Variants in ZNF549 observed in about 807,000 individuals in gnomAD.
The protein encoded by ZNF549 is zinc finger protein 549.
A neutral mutation model predicts 11.1 loss-of-function variants in ZNF549; 11 were observed. That is an observed-to-expected ratio of 0.99 (90% CI 0.62 to 1.64). The LOEUF (loss-of-function observed/expected upper bound fraction) is 1.64. Among genes scored for constraint, ZNF549 ranks in the 40% most tolerant of loss-of-function variants. The pLI is 0.00. For synonymous variants in ZNF549, 266 were observed against 269.1 expected (o/e 0.99, Z 0.11); for missense variants, 748 against 765.1 (o/e 0.98, Z 0.26).
chr19:57,538,553 C>T lies in ZNF549; in HGVS notation c.1549C>T (p.Leu517Phe). The change falls in exon 4 of 4, where the codon CTT (leucine) becomes TTT (phenylalanine). Residue 517 changes from leucine (L) to phenylalanine (F), a missense_variant. Leu to Phe is a conservative substitution (Grantham distance 22). Transcript: ENST00000376233. ...GKGFYLEVKL[L>F]QHQRIHTREQ... is the part of the protein sequence containing the mutation. Reference sequence around the variant, plus strand: ...AGGCTTCTACCTTGAGGTTAAACTTCTTCAGCACCAAAGAATCCATACTAG... The same window carrying T: ...AGGCTTCTACCTTGAGGTTAAACTTTTTCAGCACCAAAGAATCCATACTAG... The T allele has an allele frequency of 6.2e-7, 1 of 1,614,194 alleles. No individual in the cohort carries two copies. The highest frequency in any genetic ancestry group is 8.5e-7 in the Non-Finnish European group (1 of 1,180,024).
In ZNF549 at chr19:57,539,225, A is replaced by G. The variant is rs188492620; in HGVS notation, c.*298A>G. On this transcript the variant is annotated 3_prime_UTR_variant, in exon 4 of 4. Transcript: ENST00000376233. ...CAAATTCTGAAGGGAATAATATAATAAAAGCCTGTTGAGGGTCCTCTTCCA... is the reference window on the plus strand; with the variant it reads ...CAAATTCTGAAGGGAATAATATAATGAAAGCCTGTTGAGGGTCCTCTTCCA... 3.8e-5 allele frequency: 11 copies of G among 285,742 alleles called. No individual in the cohort carries two copies. The highest frequency in any genetic ancestry group is 3.7e-4 in the Admixed American group (8 of 21,634). 17.7% of individuals were successfully genotyped at this position (285,742 alleles called of 1,614,324 possible). A position where few individuals can be genotyped will look rare whatever the true frequency, so the allele number is the denominator to read the frequency against.
At chr19:57,536,203 G>A (rs1199489959) in intron 3 of ZNF549, among the ~76,000 whole-genome samples, 1 of 152,112 alleles carries the variant, frequency 6.6e-6, no homozygotes, top group Admixed American at 6.5e-5. Context: ...ATGTTCCTCA[G>A]CTCGTGATGG....
chr19:57,530,605 G>A (rs75940674), intron 1 of ZNF549, among the ~76,000 whole-genome samples: 3 of 152,076 alleles, frequency 2.0e-5, no homozygotes, highest in Non-Finnish European at 4.4e-5. Flanking sequence ...GTACGACTGA[G>A]CCCTTAAACC....
Position 57,537,535 on chromosome 19 carries a change from G to T in ZNF549, c.531G>T (p.Leu177=), listed in dbSNP as rs369746401. 1.5e-4 allele frequency: 236 copies of T among 1,614,084 alleles called. No homozygotes were observed. The highest frequency in any genetic ancestry group is 1.9e-4 in the Non-Finnish European group (223 of 1,180,044). The change falls in exon 4 of 4, where the codon CTG becomes CTT. Residue 177 remains leucine, a synonymous_variant. Transcript: ENST00000376233. ...ALLLNSCKIP[L]SDNLFPCKDV... ...TTCTGAATAGCTGCAAAATTCCTCT[G>T]TCAGACAATCTTTTCCCATGCAAAG...
Position 57,537,501 on chromosome 19 carries a change from G to A in ZNF549, c.497G>A (p.Ser166Asn). 1 of 1,614,222 alleles carries A rather than the reference G, an allele frequency of 6.2e-7. No individual in the cohort carries two copies. The highest frequency in any genetic ancestry group is 2.2e-5 in the East Asian group (1 of 44,888). ...GEKHIRKEESSALLLNSCKIP... is the reference protein window; with the variant it reads ...GEKHIRKEESNALLLNSCKIP... ...AAACACATCAGAAAGGAGGAGAGCA[G>A]TGCCTTGCTTCTGAATAGCTGCAAA... Residue 166 changes from serine (S) to asparagine (N), a missense_variant, in exon 4 of 4, where the codon AGT (serine) becomes AAT (asparagine). Transcript: ENST00000376233.
intron 3 of ZNF549, among the ~76,000 whole-genome samples, chr19:57,535,749 C>G (rs1021033866): frequency 6.6e-6 from 1 of 152,230 alleles, no homozygotes; most frequent in East Asian, 1.9e-4. Context: ...TTGGCGCACC[C>G]TGGGCCAGTG....
intron 1 of ZNF549, among the ~76,000 whole-genome samples, chr19:57,530,142 A>G (rs954037396): frequency 5.9e-5 from 9 of 152,224 alleles, no homozygotes; most frequent in African/African-American, 2.2e-4. Context: ...TGGAGTCTCT[A>G]GATAGCCTCA....
rs1568591028 is a variant in ZNF549 at position 57,538,385 on chromosome 19, A to G, written c.1381A>G (p.Met461Val). The change falls in exon 4 of 4, where the codon ATG becomes GTG. Residue 461 changes from methionine (M) to valine (V), a missense_variant. Transcript: ENST00000376233. ...ATCATTTATCCGCTCGTCTGACTACATGCGACACCAGAGAATTCACACTGG... is the reference window on the plus strand; with the variant it reads ...ATCATTTATCCGCTCGTCTGACTACGTGCGACACCAGAGAATTCACACTGG... ...GKSFIRSSDY[M>V]RHQRIHTGER... The G allele has an allele frequency of 1.9e-6, 3 of 1,614,104 alleles. No homozygotes were observed. Among genetic ancestry groups the G allele is most frequent in the East Asian group, 2.2e-5 (1 of 44,868 alleles).
chr19:57,528,697 C>T (rs1022464512), intron 1 of ZNF549, among the ~76,000 whole-genome samples: 1 of 152,186 alleles, frequency 6.6e-6, no homozygotes, highest in South Asian at 2.1e-4. Context: ...GCGAACTGTT[C>T]ACTCTATGTG....
In ZNF549 at chr19:57,538,216, T is replaced by A. The variant is rs754838184; in HGVS notation, c.1212T>A (p.Leu404=). ...AATCCTTCATATACAAACAGTCACT[T>A]CTTGATCACCATAGAATCCACACGG... ...CGKSFIYKQS[L]LDHHRIHTGE... The change falls in exon 4 of 4, where the codon CTT becomes CTA. Residue 404 remains leucine (L), a synonymous_variant. Coordinates refer to ENST00000376233, the MANE Select transcript of ZNF549 (RefSeq NM_001199295.2). The A allele has an allele frequency of 6.2e-7, 1 of 1,614,058 alleles. No homozygotes were observed. Among genetic ancestry groups the A allele is most frequent in the Admixed American group, 1.7e-5 (1 of 60,010 alleles).
intron 1 of ZNF549, among the ~76,000 whole-genome samples, chr19:57,529,484 A>G (rs2089894069): frequency 6.6e-6 from 1 of 152,246 alleles, no homozygotes; most frequent in Non-Finnish European, 1.5e-5. Context: ...GTTAAATTAT[A>G]AAAAACATGT....
Position 57,537,371 on chromosome 19 carries a change from C to G in ZNF549, c.367C>G (p.Gln123Glu). 2 of 1,614,168 alleles carry G rather than the reference C, an allele frequency of 1.2e-6. No individual in the cohort carries two copies. Among genetic ancestry groups the G allele is most frequent in the Non-Finnish European group, 1.7e-6 (2 of 1,180,028 alleles). The change falls in exon 4 of 4, where the codon CAG (glutamine) becomes GAG (glutamate). Residue 123 changes from glutamine (Q) to glutamate (E), a missense_variant. By Grantham distance (29) the Gln-to-Glu change is conservative. Coordinates refer to ENST00000376233, the MANE Select transcript of ZNF549 (RefSeq NM_001199295.2). ...AGACATTTTGTACCTCAGTGAGCAT[C>G]AGGGGACACTTCCCTGGCAGAAACC... is the stretch of plus-strand genomic sequence containing the variant. ...MKDILYLSEH[Q>E]GTLPWQKPYT...
intron 1 of ZNF549, among the ~76,000 whole-genome samples, chr19:57,530,853 A>C (rs1439720767): frequency 1.3e-5 from 2 of 152,032 alleles, no homozygotes; most frequent in Non-Finnish European, 2.9e-5. Flanking sequence ...TGCAATAGTC[A>C]GTACTAGCTA....
intron 2 of ZNF549, among the ~76,000 whole-genome samples, chr19:57,532,430 G>A (rs2089907976): frequency 6.6e-6 from 1 of 152,184 alleles, no homozygotes; most frequent in Admixed American, 6.5e-5. Context: ...CAGGCAGGGA[G>A]CCAAGAGGGA....
rs1568591373 is a variant in ZNF549, at chr19:57,538,738, T to G, written c.1734T>G (p.Val578=). The G allele has an allele frequency of 1.2e-6, 2 of 1,614,094 alleles. No homozygotes were observed. Among genetic ancestry groups the G allele is most frequent in the Non-Finnish European group, 1.7e-6 (2 of 1,180,012 alleles). Residue 578 remains valine (V), a synonymous_variant, in exon 4 of 4, where the codon GTT becomes GTG. Coordinates refer to ENST00000376233, the MANE Select transcript of ZNF549 (RefSeq NM_001199295.2). ...HRTSLIQHQK[V]HSGERPYNCT... is the part of the protein sequence containing the mutation. Reference sequence around the variant, plus strand: ...CCAGCCTCATTCAACACCAGAAAGTTCACAGTGGAGAGAGGCCTTATAACT... The same window carrying G: ...CCAGCCTCATTCAACACCAGAAAGTGCACAGTGGAGAGAGGCCTTATAACT...
chr19:57,527,385 GC>G lies in ZNF549; in HGVS notation c.-188del, dbSNP rs1204314554. The stretch of plus-strand genomic sequence containing the variant: ...TTGCTGCCTGCGAGCGCGTCCGCGG[GC>G]TGGGCGTTTCCGGCTCGCTGGGTCC... On this transcript the variant is annotated 5_prime_UTR_variant, in exon 1 of 4. Transcript: ENST00000376233. 15 of 767,624 alleles carry G rather than the reference GC, an allele frequency of 2.0e-5. No homozygotes were observed. The highest frequency in any genetic ancestry group is 3.0e-5 in the Non-Finnish European group (14 of 466,194). The allele number at this position is 767,624 out of a possible 1,614,324, so 47.6% of individuals were successfully genotyped here.
chr19:57,537,535 G>C lies in ZNF549; in HGVS notation c.531G>C (p.Leu177=). The part of the protein sequence containing the change: ...ALLLNSCKIP[L]SDNLFPCKDV... ...TTCTGAATAGCTGCAAAATTCCTCT[G>C]TCAGACAATCTTTTCCCATGCAAAG... The change falls in exon 4 of 4, where the codon CTG becomes CTC. Residue 177 remains leucine (L), a synonymous_variant. Coordinates refer to ENST00000376233, the MANE Select transcript of ZNF549 (RefSeq NM_001199295.2). The C allele has an allele frequency of 6.2e-7, 1 of 1,614,202 alleles. No individual in the cohort carries two copies. Among genetic ancestry groups the C allele is most frequent in the Non-Finnish European group, 8.5e-7 (1 of 1,180,036 alleles).
At chr19:57,529,482 A>T (rs2089894045) in intron 1 of ZNF549, among the ~76,000 whole-genome samples, 1 of 152,240 alleles carries the variant, frequency 6.6e-6, no homozygotes, top group Non-Finnish European at 1.5e-5. Context: ...AAGTTAAATT[A>T]TAAAAAACAT....
At chr19:57,535,008 T>C (rs2089918105) in intron 2 of ZNF549, 136 bp from the exon 3 acceptor site, 19 of 1,137,240 alleles carry the variant, frequency 1.7e-5, no homozygotes, top group Non-Finnish European at 2.3e-5. Context: ...TTCCATGATG[T>C]AAGGCCCAGA....
Sources: gnomAD v4.1 joint callset for allele counts (sites outside exome capture counted in the v4.1 genomes callset) on GRCh38, gnomAD v4.1.1 for gene constraint, MANE v1.5 for transcripts, NCBI Gene and HGNC (gene_info 2026-07-23, HGNC 2026-07-21) for gene names.